The following WWC2 variants were observed in gnomAD, a reference collection of about 807,000 sequenced individuals.
WWC2 encodes the protein protein WWC2.
In WWC2, 101 loss-of-function variants were observed where a neutral mutation model predicts 138.5. That is an observed-to-expected ratio of 0.73 (90% CI 0.62 to 0.86). WWC2 has a LOEUF of 0.86. Among genes scored for constraint, WWC2 ranks in the 40% least tolerant of loss-of-function variants. The pLI, the probability that WWC2 is intolerant of heterozygous loss-of-function variation, is 0.00. For synonymous variants in WWC2, 558 were observed against 538.4 expected, an observed-to-expected ratio of 1.04 and a Z score of -0.50; for missense variants, 1,420 against 1,419.4, an observed-to-expected ratio of 1.00 and a Z score of -0.01.
intron 1 of WWC2, among the ~76,000 whole-genome samples, chr4:183,191,682 C>T (rs1734996891): frequency 1.3e-5 from 2 of 152,110 alleles, no homozygotes; most frequent in Admixed American, 6.5e-5. Context: ...TCTGATTCTA[C>T]AATAGGGCTC....
At chr4:183,130,871 G>A (rs1732905741) in intron 1 of WWC2, among the ~76,000 whole-genome samples, 1 of 152,148 alleles carries the variant, frequency 6.6e-6, no homozygotes, top group Non-Finnish European at 1.5e-5. Context: ...GACTCAAAAT[G>A]TACTATTTAA....
intron 20 of WWC2, among the ~76,000 whole-genome samples, chr4:183,286,542 A>G (rs1738261001): frequency 6.6e-6 from 1 of 152,088 alleles, no homozygotes. Context: ...CTCGGGTGGC[A>G]TTTTCCTGGA....
chr4:183,230,159 G>A (rs1458917768), intron 4 of WWC2, among the ~76,000 whole-genome samples: 2 of 151,870 alleles, frequency 1.3e-5, no homozygotes, highest in African/African-American at 2.4e-5. Flanking sequence ...GCAGGGTCTC[G>A]CTACGGTACC....
intron 21 of WWC2, among the ~76,000 whole-genome samples, chr4:183,301,488 GA>G (rs779472834): frequency 1.3e-5 from 2 of 151,988 alleles, no homozygotes; most frequent in South Asian, 2.1e-4. Context: ...ACTGTGTGAT[GA>G]AAAAAAATCA....
chr4:183,266,299 T>C (rs1580127112), intron 14 of WWC2, among the ~76,000 whole-genome samples: 2 of 152,358 alleles, frequency 1.3e-5, no homozygotes, highest in East Asian at 3.9e-4. Flanking sequence ...AATTTTCTAA[T>C]CTTTTACATT....
At chr4:183,260,603 G>A (rs1023697527) in intron 10 of WWC2, among the ~76,000 whole-genome samples, 4 of 152,196 alleles carry the variant, frequency 2.6e-5, no homozygotes, top group Non-Finnish European at 5.9e-5. Context: ...GTGCAGGTTC[G>A]TAGCCTGGGA....
intron 9 of WWC2, among the ~76,000 whole-genome samples, chr4:183,255,271 G>A (rs1267829734): frequency 2.0e-5 from 3 of 152,162 alleles, no homozygotes; most frequent in Admixed American, 6.5e-5. Flanking sequence ...GTCAGCCTGA[G>A]GGAAGTGTCA....
intron 22 of WWC2, among the ~76,000 whole-genome samples, chr4:183,313,745 A>T (rs997540299): frequency 1.3e-5 from 2 of 151,086 alleles, no homozygotes; most frequent in Non-Finnish European, 2.9e-5. Context: ...CCCAAAAGAG[A>T]TGCTAGAAAG....
intron 22 of WWC2, among the ~76,000 whole-genome samples, chr4:183,314,727 G>A (rs1739376618): frequency 6.6e-6 from 1 of 152,124 alleles, no homozygotes; most frequent in Admixed American, 6.5e-5. Flanking sequence ...GCGCCTTAAG[G>A]CCTCCGCTGA....
At chr4:183,205,951 G>A (rs898834536) in intron 2 of WWC2, among the ~76,000 whole-genome samples, 1 of 152,114 alleles carries the variant, frequency 6.6e-6, no homozygotes, top group Non-Finnish European at 1.5e-5. Context: ...TGACCCCTGT[G>A]CAAATTTCTG....
intron 1 of WWC2, among the ~76,000 whole-genome samples, chr4:183,158,121 A>T (rs1272285992): frequency 6.6e-6 from 1 of 151,552 alleles, no homozygotes; most frequent in Non-Finnish European, 1.5e-5. Context: ...CTTCCCTTCC[A>T]TTTTTCTCTG....
Position 183,226,762 on chromosome 4 carries a change from A to G in WWC2, c.523-13421A>G, listed in dbSNP as rs967684515. Among the ~76,000 whole-genome samples, 4 of 152,190 alleles carry G rather than the reference A, an allele frequency of 2.6e-5. No individual in the cohort carries two copies. The East Asian group carries it at 7.7e-4, about 29-fold the overall frequency. On this transcript the variant is annotated intron_variant, in intron 4 of 22. Transcript: ENST00000403733. ...CAACATTAGGGGACTTTTTTTATCC[A>G]ACCATTCAGTGGACAATATGTCCAC...
chr4:183,105,379 C>T (rs969406493), intron 1 of WWC2, among the ~76,000 whole-genome samples: 5 of 152,108 alleles, frequency 3.3e-5, no homozygotes, highest in African/African-American at 1.2e-4. Context: ...GTAAATGGCT[C>T]TTGCTTACTT....
At position 183,261,464 on chromosome 4, in the gene WWC2, C is replaced by A; in HGVS notation, c.1841C>A (p.Ser614Tyr). The change falls in exon 11 of 23, where the codon TCC becomes TAC. Residue 614 changes from serine to tyrosine, a missense_variant. Ser to Tyr is a moderately radical substitution (Grantham distance 144). Transcript: ENST00000403733. ...CTGGATTCTGATTCAGGAGGAGCCTCCCAGTCTCTTTCAGAGGATAAAGAC... is the reference window on the plus strand; with the variant it reads ...CTGGATTCTGATTCAGGAGGAGCCTACCAGTCTCTTTCAGAGGATAAAGAC... Reference protein sequence around the residue: ...ILLDSDSGGASQSLSEDKDLN... With the variant: ...ILLDSDSGGAYQSLSEDKDLN... 1 of 1,612,670 alleles carries A rather than the reference C, an allele frequency of 6.2e-7. No homozygotes were observed. Among genetic ancestry groups the A allele is most frequent in the Non-Finnish European group, 8.5e-7 (1 of 1,179,346 alleles).
intron 1 of WWC2, among the ~76,000 whole-genome samples, chr4:183,166,271 G>A (rs1468934229): frequency 6.6e-6 from 1 of 151,790 alleles, no homozygotes; most frequent in African/African-American, 2.4e-5. Context: ...TGGGGTATTT[G>A]TCTGCTGTAG....
intron 4 of WWC2, among the ~76,000 whole-genome samples, chr4:183,236,621 A>G (rs978905169): frequency 3.3e-5 from 5 of 152,238 alleles, no homozygotes; most frequent in African/African-American, 1.2e-4. Flanking sequence ...AAGCTAGGTT[A>G]CAGTTCATCC....
chr4:183,263,704 G>A (rs868198683), intron 11 of WWC2, among the ~76,000 whole-genome samples: 3 of 152,260 alleles, frequency 2.0e-5, no homozygotes, highest in Middle Eastern at 3.4e-3. Context: ...AGGCTGCGAC[G>A]AGCTGAGATT....
In WWC2 at chr4:183,320,350, C is replaced by A; in HGVS notation, c.*4621C>A. 1 of 863,126 alleles carries A rather than the reference C, an allele frequency of 1.2e-6. No individual in the cohort carries two copies. The highest frequency in any genetic ancestry group is 1.8e-6 in the Non-Finnish European group (1 of 560,988). 53.5% of individuals were successfully genotyped at this position (863,126 alleles called of 1,614,324 possible). A position where few individuals can be genotyped will look rare whatever the true frequency, so the allele number is the denominator to read the frequency against. On this transcript the variant is annotated 3_prime_UTR_variant, in exon 23 of 23. Coordinates refer to ENST00000403733, the MANE Select transcript of WWC2 (RefSeq NM_024949.6). ...ATTGTGTATATAGGAGGATTCTTGC[C>A]AGAGTTGCTATTGTTTGATTCCATG...
At chr4:183,221,535 G>A (rs776116144) in intron 4 of WWC2, among the ~76,000 whole-genome samples, 6 of 152,046 alleles carry the variant, frequency 3.9e-5, no homozygotes, top group Non-Finnish European at 7.4e-5. Context: ...ACATTTAAGG[G>A]GACTCAAATG....
Sources: gnomAD v4.1 joint callset for allele counts (sites outside exome capture counted in the v4.1 genomes callset) on GRCh38, gnomAD v4.1.1 for gene constraint, MANE v1.5 for transcripts, NCBI Gene and HGNC (gene_info 2026-07-23, HGNC 2026-07-21) for gene names.